The following KIAA1671 variants were observed in gnomAD, a reference collection of about 807,000 sequenced individuals.
The protein encoded by KIAA1671 is KIAA1671.
In KIAA1671, 52 loss-of-function variants were observed where a neutral mutation model predicts 131.2. The observed-to-expected ratio is 0.40, with a 90% CI of 0.32 to 0.50. KIAA1671 has a LOEUF of 0.50. KIAA1671 is among the 20% of genes least tolerant of loss of function. The probability of loss-of-function intolerance (pLI) is 0.73; values close to 1 mark genes in which losing one functional copy is unlikely to be tolerated. For synonymous variants in KIAA1671, 1,003 were observed against 961.6 expected (o/e 1.04, Z -0.80); for missense variants, 2,360 against 2,364.2 (o/e 1.00, Z 0.04).
chr22:25,084,247 C>A (rs983896571), intron 6 of KIAA1671, among the ~76,000 whole-genome samples: 1 of 152,028 alleles, frequency 6.6e-6, no homozygotes, highest in Non-Finnish European at 1.5e-5. Flanking sequence ...GAGGCCGAGG[C>A]GGGCGGATCA....
chr22:25,109,757 C>T (rs1931236732), intron 6 of KIAA1671, among the ~76,000 whole-genome samples: 1 of 152,206 alleles, frequency 6.6e-6, no homozygotes, highest in African/African-American at 2.4e-5. Flanking sequence ...GCCCTCTGCT[C>T]TTAATCTCTA....
chr22:25,138,977 G>C (rs1019941666), intron 6 of KIAA1671, among the ~76,000 whole-genome samples: 1 of 152,060 alleles, frequency 6.6e-6, no homozygotes, highest in Non-Finnish European at 1.5e-5. Flanking sequence ...TTCCCTCTGA[G>C]GGAAAGGAAA....
chr22:25,142,386 G>A (rs1418792036), intron 6 of KIAA1671, among the ~76,000 whole-genome samples: 1 of 152,172 alleles, frequency 6.6e-6, no homozygotes, highest in East Asian at 1.9e-4. Flanking sequence ...CCATAAATAA[G>A]ATGCTGGAGG....
chr22:24,986,630 A>ACCAC (rs1923550040), intron 1 of KIAA1671, among the ~76,000 whole-genome samples: 1 of 112,430 alleles, frequency 8.9e-6, no homozygotes, highest in Non-Finnish European at 1.9e-5. Context: ...CACCCACCCA[A>ACCAC]CCACCCACCC....
intron 6 of KIAA1671, among the ~76,000 whole-genome samples, chr22:25,154,463 C>A (rs1220499234): frequency 6.6e-6 from 1 of 152,228 alleles, no homozygotes; most frequent in African/African-American, 2.4e-5. Flanking sequence ...ATATACCATC[C>A]ACTTGGGTGT....
At position 25,023,712 on chromosome 22, in the gene KIAA1671, C is replaced by T. The variant is rs112652360; in HGVS notation, c.-207-1921C>T. ...GCTCAATCCCAGCACTTTGGAAGGC[C>T]GAGGCGGGCGGATCACAAAGTCAGG... is the stretch of plus-strand genomic sequence containing the variant. On this transcript the variant is annotated intron_variant, in intron 1 of 12. Transcript: ENST00000358431. 1,194 of 152,130 alleles carry T rather than the reference C, an allele frequency of 7.8e-3. 12 individuals carry two copies. Among genetic ancestry groups the T allele is most frequent in the Middle Eastern group, 0.041 (12 of 294 alleles). 9.4% of individuals were successfully genotyped at this position (152,130 alleles called of 1,614,324 possible).
rs1280135499 is a variant in KIAA1671, at chr22:25,029,482, C to T, written c.1483C>T (p.Pro495Ser). 4 of 1,550,822 alleles carry T rather than the reference C, an allele frequency of 2.6e-6. No individual in the cohort carries two copies. In the African/African-American group the frequency reaches 5.5e-5, roughly 21 times the overall value. ...GACTGCCGAGAGCTCAGAGGCTAAG[C>T]CCGAGGTCAGGAGGAGGACGTTCCA... The part of the protein sequence containing the change: ...GWTAESSEAK[P>S]EVRRRTFQAR... Residue 495 changes from proline (P) to serine (S), a missense_variant, in exon 3 of 13, where the codon CCC (proline) becomes TCC (serine). Pro to Ser is a moderately conservative substitution (Grantham distance 74, BLOSUM62 -1). Around this residue, in one of 3 missense-constraint regions of KIAA1671, gnomAD observed 1,185 missense variants for 1,126.2 expected, o/e 1.05. Transcript: ENST00000358431.
intron 1 of KIAA1671, among the ~76,000 whole-genome samples, chr22:25,006,381 G>C (rs1214998658): frequency 1.3e-5 from 2 of 152,090 alleles, no homozygotes; most frequent in Admixed American, 1.3e-4. Context: ...AAATACATGG[G>C]AAGTACAGTA....
chr22:25,102,994 C>T (rs1025830083), intron 6 of KIAA1671: 8 of 152,590 alleles, frequency 5.2e-5, no homozygotes, highest in African/African-American at 1.9e-4. Flanking sequence ...GGGAATTTGT[C>T]TCCAGGCCAG....
chr22:25,068,568 C>T (rs778141944), intron 6 of KIAA1671, among the ~76,000 whole-genome samples: 29 of 152,280 alleles, frequency 1.9e-4, no homozygotes, highest in South Asian at 1.0e-3. Context: ...TCCCGAGTAG[C>T]TGGGACTACA....
chr22:25,109,494 C>T (rs982565504), intron 6 of KIAA1671, among the ~76,000 whole-genome samples: 2 of 152,152 alleles, frequency 1.3e-5, no homozygotes, highest in Non-Finnish European at 2.9e-5. Context: ...AACCTTGATT[C>T]GTTGTGGGAG....
chr22:25,085,807 GAGGA>G (rs1401282059), intron 6 of KIAA1671, among the ~76,000 whole-genome samples: 2 of 148,036 alleles, frequency 1.4e-5, no homozygotes, highest in Admixed American at 6.7e-5. Context: ...GGGAGGGAGG[GAGGA>G]AGGGAGGAAG....
chr22:25,079,756 G>A (rs1006358037), intron 6 of KIAA1671, among the ~76,000 whole-genome samples: 5 of 152,192 alleles, frequency 3.3e-5, no homozygotes, highest in African/African-American at 4.8e-5. Context: ...GGGCCTTGCA[G>A]TCACTCTAAG....
intron 6 of KIAA1671, among the ~76,000 whole-genome samples, chr22:25,136,668 G>A (rs889182199): frequency 6.6e-5 from 10 of 152,144 alleles, no homozygotes; most frequent in African/African-American, 1.2e-4. Flanking sequence ...TCAGCATTTC[G>A]TGTATATTCT....
intron 4 of KIAA1671, among the ~76,000 whole-genome samples, chr22:25,033,170 G>A (rs962724190): frequency 4.6e-5 from 7 of 152,000 alleles, no homozygotes; most frequent in South Asian, 2.1e-4. Flanking sequence ...AGGATTGCTT[G>A]AGCCCAAGAG....
rs188736170 is a variant in KIAA1671, at chr22:25,097,531, G to C, written c.4530+48167G>C. On this transcript the variant is annotated intron_variant, in intron 6 of 12. Coordinates refer to ENST00000358431, the MANE Select transcript of KIAA1671 (RefSeq NM_001145206.2). ...TGAGGCAGATGGATCACGAGGTCAG[G>C]AGATGGAGACCATCCTGGCTAACAT... Among the ~76,000 whole-genome samples the C allele has an allele frequency of 1.8e-4, 27 of 152,284 alleles. No homozygotes were observed. The East Asian group carries it at 4.4e-3, about 25-fold the overall frequency.
chr22:25,184,853 GT>G, intron 10 of KIAA1671, 123 bp from the exon 11 acceptor site: 1 of 1,049,752 alleles, frequency 9.5e-7, no homozygotes, highest in African/African-American at 1.6e-5. Context: ...TCCTGTCTGG[GT>G]TTATTCCGAT....
At chr22:25,010,118 C>T (rs1924956438) in intron 1 of KIAA1671, 1 of 152,248 alleles carries the variant, frequency 6.6e-6, no homozygotes, top group East Asian at 1.9e-4. Flanking sequence ...TTCCCCTCTC[C>T]CTGCCCGCCT....
At chr22:25,166,936 A>T (rs969801898) in intron 6 of KIAA1671, among the ~76,000 whole-genome samples, 2 of 152,172 alleles carry the variant, frequency 1.3e-5, no homozygotes, top group African/African-American at 4.8e-5. Context: ...GCTGCTTGGG[A>T]CAACGATGTC....
Sources: gnomAD v4.1 joint callset for allele counts (sites outside exome capture counted in the v4.1 genomes callset) on GRCh38, gnomAD v4.1.1 for gene constraint, gnomAD v4.1.1 regional missense constraint, MANE v1.5 for transcripts, NCBI Gene and HGNC (gene_info 2026-07-23, HGNC 2026-07-21) for gene names.